The following RGL3 variants were observed in gnomAD, a reference collection of about 807,000 sequenced individuals.
RGL3 encodes the protein ral guanine nucleotide dissociation stimulator-like 3.
RGL3 carries 85 observed loss-of-function variants against 90.6 expected under a neutral mutation model. That is an observed-to-expected ratio of 0.94 (90% confidence interval 0.79 to 1.12). The LOEUF (loss-of-function observed/expected upper bound fraction) is 1.12. Among genes scored for constraint, RGL3 ranks in the 50% most tolerant of loss-of-function variants. The pLI is 0.00. For synonymous variants in RGL3, 408 were observed against 385.5 expected, an observed-to-expected ratio of 1.06 and a Z score of -0.68; for missense variants, 1,034 against 939.2, an observed-to-expected ratio of 1.10 and a Z score of -1.32.
Position 11,416,013 on chromosome 19 carries a change from T to G in RGL3, c.561A>C (p.Lys187Asn). 6.2e-7 allele frequency: 1 copy of G among 1,613,922 alleles called. No individual in the cohort carries two copies. The change falls in exon 5 of 19, where the codon AAA becomes AAC. Residue 187 changes from lysine (K) to asparagine (N), a missense_variant. By Grantham distance (94) the Lys-to-Asn change is moderately conservative. Transcript: ENST00000380456. ...WAAPGSAEAQ[K>N]AEKLLEDFLE... is the part of the protein sequence containing the mutation. ...AAAAATCTTCCAGAAGCTTCTCTGCTTTTTGAGCCTCAGCACTCCCTGGGG... is the reference window on the plus strand; with the variant it reads ...AAAAATCTTCCAGAAGCTTCTCTGCGTTTTGAGCCTCAGCACTCCCTGGGG...
chr19:11,405,345 G>C lies in RGL3; in HGVS notation c.1078C>G (p.Arg360Gly), dbSNP rs199508921. 1 of 1,613,034 alleles carries C rather than the reference G, an allele frequency of 6.2e-7. No homozygotes were observed. Among genetic ancestry groups the C allele is most frequent in the East Asian group, 2.2e-5 (1 of 44,874 alleles). ...LQSNPIYRLK[R>G]SWGAVSREPL... ...CACCGGCTCACTGCCCCCCAGCTGCGCTTGAGCCGGTAGATGGGGTTAGAT... is the reference window on the plus strand; with the variant it reads ...CACCGGCTCACTGCCCCCCAGCTGCCCTTGAGCCGGTAGATGGGGTTAGAT... The change falls in exon 8 of 19, where the codon CGC becomes GGC. Residue 360 changes from arginine (R) to glycine (G), a missense_variant. Coordinates refer to ENST00000380456, the MANE Select transcript of RGL3 (RefSeq NM_001035223.4).
chr19:11,406,587 CCACA>C lies in RGL3; in HGVS notation c.824_827del (p.Val275GlyfsTer26). On this transcript the variant is annotated frameshift_variant, in exon 7 of 19. Coordinates refer to ENST00000380456, the MANE Select transcript of RGL3 (RefSeq NM_001035223.4). LOFTEE classifies it high-confidence loss of function. ...CAGCCCCCGGCCGGTCCCTCTGCGA[CCACA>C]CGGAGCCCAAGCACTCGTAGAGCCT... 1.3e-6 allele frequency: 2 copies of C among 1,552,452 alleles called. No individual in the cohort carries two copies. The highest frequency in any genetic ancestry group is 1.7e-6 in the Non-Finnish European group (2 of 1,148,240).
chr19:11,417,915 C>T (rs1969031980), intron 2 of RGL3, among the ~76,000 whole-genome samples: 1 of 152,108 alleles, frequency 6.6e-6, no homozygotes, highest in South Asian at 2.1e-4. Context: ...GCCTCCAAGT[C>T]CTAGACTCAA....
rs935436336 is a variant in RGL3, at chr19:11,400,062, C to A, written c.1627G>T (p.Asp543Tyr). The A allele has an allele frequency of 6.2e-7, 1 of 1,608,260 alleles. No individual in the cohort carries two copies. Among genetic ancestry groups the A allele is most frequent in the Non-Finnish European group, 8.5e-7 (1 of 1,177,936 alleles). ...CACCTGGAGGTGGGGGATGAGGGGT[C>A]CCCGGGACTCCCACTAGGTGATGAG... is the stretch of plus-strand genomic sequence containing the variant. ...KSSSPSGSPG[D>Y]PSSPTSSVSP... Residue 543 changes from aspartate to tyrosine, a missense_variant, in exon 15 of 19, where the codon GAC becomes TAC. Asp to Tyr is a radical substitution (Grantham distance 160). Coordinates refer to ENST00000380456, the MANE Select transcript of RGL3 (RefSeq NM_001035223.4).
rs1968642040 is a variant in RGL3, at chr19:11,399,905, G to A, written c.1696C>T (p.Pro566Ser). The change falls in exon 16 of 19, where the codon CCT becomes TCT. Residue 566 changes from proline to serine, a missense_variant. Physicochemically the swap from Pro to Ser is moderately conservative, Grantham distance 74. Transcript: ENST00000380456. ...PPSSPRSRDA[P>S]AGSPPASPGP... ...GGAGAGGCCGGGGGACTGCCAGCAG[G>A]AGCATCTCTGCTTCTAGGACTTGAG... 1 of 1,527,638 alleles carries A rather than the reference G, an allele frequency of 6.5e-7. No homozygotes were observed. 94.6% of individuals were successfully genotyped at this position (1,527,638 alleles called of 1,614,324 possible).
At chr19:11,412,793 C>A (rs1442664812) in intron 5 of RGL3, among the ~76,000 whole-genome samples, 1 of 151,598 alleles carries the variant, frequency 6.6e-6, no homozygotes, top group African/African-American at 2.4e-5. Context: ...GGTGAAACCC[C>A]GTCTCTACTA....
In RGL3 at chr19:11,400,261, G is replaced by A; in HGVS notation, c.1521C>T (p.Ala507=). ...GGATGCGTGGGGAGCTGGGGCAGGA[G>A]GCAGCTGGTGGCTCAATGACCCGGG... ...RLSRVIEPPA[A]SCPSSPRIRR... is the part of the protein sequence containing the mutation. Residue 507 remains alanine (A), a synonymous_variant, in exon 14 of 19, where the codon GCC becomes GCT. Transcript: ENST00000380456. 6.2e-7 allele frequency: 1 copy of A among 1,600,384 alleles called. No individual in the cohort carries two copies. The highest frequency in any genetic ancestry group is 8.5e-7 in the Non-Finnish European group (1 of 1,173,202).
chr19:11,398,535 G>A (rs972134417), intron 16 of RGL3, among the ~76,000 whole-genome samples: 14 of 151,576 alleles, frequency 9.2e-5, no homozygotes, highest in Middle Eastern at 3.2e-3. Flanking sequence ...TAGTAGAGAC[G>A]GGGTTTCACC....
chr19:11,404,585 A>G (rs1968736094), intron 9 of RGL3, among the ~76,000 whole-genome samples: 2 of 152,078 alleles, frequency 1.3e-5, no homozygotes, highest in African/African-American at 2.4e-5. Flanking sequence ...AACAACAACA[A>G]AAAACCAGAT....
At chr19:11,396,132 C>A (rs868658927) in intron 18 of RGL3, among the ~76,000 whole-genome samples, 3,646 of 37,620 alleles carry the variant, frequency 0.097, 158 homozygotes, top group Non-Finnish European at 0.12. Context: ...CTCTCTCTCT[C>A]TCTCTATATA....
In RGL3 at chr19:11,397,542, C is replaced by A. The variant is rs777971255; in HGVS notation, c.1802G>T (p.Ser601Ile). 1.2e-6 allele frequency: 2 copies of A among 1,610,692 alleles called. No homozygotes were observed. Among genetic ancestry groups the A allele is most frequent in the Non-Finnish European group, 1.7e-6 (2 of 1,178,410 alleles). Reference sequence around the variant, plus strand: ...CTGCGCCGGGAGGGGGATTCGAGGGCTGCCCAGAGGCAAAGCGAAGGGCCG... The same window carrying A: ...CTGCGCCGGGAGGGGGATTCGAGGGATGCCCAGAGGCAAAGCGAAGGGCCG... ...SPRPFALPLG[S>I]PRIPLPAQQS... The change falls in exon 17 of 19, where the codon AGC (serine) becomes ATC (isoleucine). Residue 601 changes from serine to isoleucine, a missense_variant. Coordinates refer to ENST00000380456, the MANE Select transcript of RGL3 (RefSeq NM_001035223.4).
intron 18 of RGL3, 78 bp downstream of exon 18, chr19:11,397,166 G>T: frequency 8.2e-7 from 1 of 1,226,788 alleles, no homozygotes; most frequent in Non-Finnish European, 1.2e-6. Flanking sequence ...GGTAACCTTG[G>T]GCTCCATCCT....
intron 5 of RGL3, among the ~76,000 whole-genome samples, chr19:11,414,507 A>G (rs1217374288): frequency 8.9e-6 from 1 of 112,300 alleles, no homozygotes; most frequent in Non-Finnish European, 1.7e-5. Flanking sequence ...ATATATATAT[A>G]TATATATATA....
intron 5 of RGL3, among the ~76,000 whole-genome samples, chr19:11,412,022 G>A (rs1294805471): frequency 6.6e-6 from 1 of 152,136 alleles, no homozygotes; most frequent in Non-Finnish European, 1.5e-5. Context: ...GCTCACGCCT[G>A]TAATACCAAC....
chr19:11,407,825 T>G (rs1968808855), intron 5 of RGL3, among the ~76,000 whole-genome samples: 1 of 151,982 alleles, frequency 6.6e-6, no homozygotes, highest in South Asian at 2.1e-4. Flanking sequence ...TAGCTGGGAT[T>G]ACAGGCACGA....
intron 5 of RGL3, among the ~76,000 whole-genome samples, chr19:11,407,499 C>G (rs948229142): frequency 6.6e-6 from 1 of 151,796 alleles, no homozygotes; most frequent in Non-Finnish European, 1.5e-5. Context: ...TACTCAAAGG[C>G]CAGAGAAGAA....
Position 11,416,951 on chromosome 19 carries a change from G to T in RGL3, c.256C>A (p.Arg86Ser), listed in dbSNP as rs149175134. Residue 86 changes from arginine (R) to serine (S), a missense_variant, in exon 3 of 19, where the codon CGT becomes AGT. Transcript: ENST00000380456. The part of the protein sequence containing the change: ...RLVGELVFGD[R>S]EQDPSFMPAF... ...GGCATGAAGCTGGGGTCCTGCTCAC[G>T]GTCTCCAAACACCAACTCTCCCACC... 5.0e-6 allele frequency: 8 copies of T among 1,613,986 alleles called. No homozygotes were observed. In the South Asian group the frequency reaches 7.7e-5, roughly 16 times the overall value.
At chr19:11,395,696 T>A (rs1043352418) in intron 18 of RGL3, among the ~76,000 whole-genome samples, 1 of 150,960 alleles carries the variant, frequency 6.6e-6, no homozygotes, top group Non-Finnish European at 1.5e-5. Context: ...GGCGCAATCT[T>A]GGCTCACTGC....
At chr19:11,401,615 G>A (rs1028004613) in intron 13 of RGL3, among the ~76,000 whole-genome samples, 3 of 151,776 alleles carry the variant, frequency 2.0e-5, no homozygotes, top group Non-Finnish European at 4.4e-5. Flanking sequence ...TAGCCAGGCT[G>A]GTCTCAAACT....
Sources: gnomAD v4.1 joint callset for allele counts (sites outside exome capture counted in the v4.1 genomes callset) on GRCh38, gnomAD v4.1.1 for gene constraint, MANE v1.5 for transcripts, NCBI Gene and HGNC (gene_info 2026-07-23, HGNC 2026-07-21) for gene names.